Variants in OSBPL8 observed in about 807,000 individuals in gnomAD.
OSBPL8 encodes oxysterol binding protein like 8.
In OSBPL8, 59 loss-of-function variants were observed where a neutral mutation model predicts 125.5. The ratio of observed to expected loss-of-function variants is 0.47; its 90% CI spans 0.38 to 0.58. OSBPL8 has a LOEUF of 0.58. Among genes scored for constraint, OSBPL8 ranks in the 20% least tolerant of loss-of-function variants. OSBPL8 has a pLI of 0.00. For missense variants in OSBPL8, 758 were observed against 1,047.8 expected, an observed-to-expected ratio of 0.72 and a Z score of 3.82; for synonymous variants, 330 against 338.9, an observed-to-expected ratio of 0.97 and a Z score of 0.29.
chr12:76,397,942 A>G (rs751903259), intron 7 of OSBPL8, 45 bp from the exon 8 acceptor site: 3 of 1,558,546 alleles, frequency 1.9e-6, no homozygotes, highest in African/African-American at 1.4e-5. Context: ...TCTGTTCTCC[A>G]AGGTCCAAAC....
intron 4 of OSBPL8, among the ~76,000 whole-genome samples, chr12:76,438,531 G>A (rs1310059233): frequency 6.6e-6 from 1 of 152,078 alleles, no homozygotes; most frequent in Non-Finnish European, 1.5e-5. Context: ...ACAGTTATCA[G>A]TTTGTTTCTT....
intron 15 of OSBPL8, among the ~76,000 whole-genome samples, chr12:76,383,946 C>T (rs1953173621): frequency 6.6e-6 from 1 of 152,064 alleles, no homozygotes; most frequent in Non-Finnish European, 1.5e-5. Flanking sequence ...CTTAGATACA[C>T]TGAAATGAAA....
At chr12:76,418,799 C>G (rs552472218) in intron 4 of OSBPL8, among the ~76,000 whole-genome samples, 25 of 152,234 alleles carry the variant, frequency 1.6e-4, no homozygotes, top group African/African-American at 5.5e-4. Context: ...TGCCTCTGTG[C>G]TCCAGCCTGG....
At chr12:76,504,296 C>T (rs1880201324) in intron 1 of OSBPL8, among the ~76,000 whole-genome samples, 1 of 151,886 alleles carries the variant, frequency 6.6e-6, no homozygotes, top group Admixed American at 6.6e-5. Context: ...CCTGACTAAT[C>T]CAATATATAT....
At chr12:76,428,949 T>C (rs1870487973) in intron 4 of OSBPL8, among the ~76,000 whole-genome samples, 1 of 152,136 alleles carries the variant, frequency 6.6e-6, no homozygotes, top group South Asian at 2.1e-4. Context: ...AACACAATGA[T>C]AAGCCTCTCT....
Position 76,354,838 on chromosome 12 carries a change from G to A in OSBPL8, c.*1051C>T, listed in dbSNP as rs752963878. ...TTCGTAGATACTCAACTTATTACAC[G>A]TTTTACAGAAACCAATTTTAATGCA... On this transcript the variant is annotated 3_prime_UTR_variant, in exon 24 of 24. Coordinates refer to ENST00000261183, the MANE Select transcript of OSBPL8 (RefSeq NM_020841.5). The A allele has an allele frequency of 6.6e-6, 1 of 151,940 alleles. No homozygotes were observed. Among genetic ancestry groups the A allele is most frequent in the Non-Finnish European group, 1.5e-5 (1 of 67,860 alleles). 9.4% of individuals were successfully genotyped at this position (151,940 alleles called of 1,614,324 possible). A position where few individuals can be genotyped will look rare whatever the true frequency, so the allele number is the denominator to read the frequency against.
chr12:76,438,223 T>C (rs1871729567), intron 4 of OSBPL8, among the ~76,000 whole-genome samples: 2 of 151,960 alleles, frequency 1.3e-5, no homozygotes, highest in Non-Finnish European at 2.9e-5. Flanking sequence ...CCTGACCTCA[T>C]GATCCGCCCG....
intron 7 of OSBPL8, among the ~76,000 whole-genome samples, chr12:76,399,298 T>A (rs1330782811): frequency 6.6e-6 from 1 of 152,084 alleles, no homozygotes. Flanking sequence ...AGATCACTCT[T>A]AAACTCAGGA....
chr12:76,528,064 T>G (rs1329453694), intron 1 of OSBPL8, among the ~76,000 whole-genome samples: 3 of 152,214 alleles, frequency 2.0e-5, no homozygotes, highest in African/African-American at 7.2e-5. Flanking sequence ...GGCTCACACC[T>G]GTAATCCCAG....
At chr12:76,491,595 G>A (rs1179820795) in intron 1 of OSBPL8, among the ~76,000 whole-genome samples, 1 of 152,096 alleles carries the variant, frequency 6.6e-6, no homozygotes, top group Non-Finnish European at 1.5e-5. Flanking sequence ...TTGACTACAT[G>A]TATTATAATA....
intron 1 of OSBPL8, chr12:76,537,158 CAA>C (rs1950521730): frequency 6.6e-6 from 1 of 152,198 alleles, no homozygotes. Context: ...TTACATTTTG[CAA>C]AGTCTGATTT....
intron 18 of OSBPL8, 89 bp downstream of exon 18, chr12:76,373,255 C>A: frequency 2.5e-6 from 2 of 811,358 alleles, no homozygotes; most frequent in South Asian, 2.2e-5. Context: ...ATGTTTTCAG[C>A]AACGGAATAA....
chr12:76,538,784 C>T (rs1405414998), intron 1 of OSBPL8, among the ~76,000 whole-genome samples: 2 of 151,670 alleles, frequency 1.3e-5, no homozygotes, highest in East Asian at 1.9e-4. Flanking sequence ...CCCATCTCTA[C>T]TAAAAATACA....
intron 4 of OSBPL8, among the ~76,000 whole-genome samples, chr12:76,430,705 A>G (rs891076587): frequency 2.0e-5 from 3 of 152,226 alleles, no homozygotes; most frequent in African/African-American, 4.8e-5. Flanking sequence ...CTTGCAGGCC[A>G]GAAGACAGTA....
At chr12:76,473,525 C>T (rs965510994) in intron 2 of OSBPL8, among the ~76,000 whole-genome samples, 12 of 152,120 alleles carry the variant, frequency 7.9e-5, no homozygotes, top group Non-Finnish European at 1.6e-4. Flanking sequence ...TACTAATATA[C>T]GCAACTCACC....
intron 1 of OSBPL8, among the ~76,000 whole-genome samples, chr12:76,505,323 C>T (rs557437785): frequency 1.3e-5 from 2 of 152,116 alleles, no homozygotes; most frequent in Non-Finnish European, 2.9e-5. Flanking sequence ...CAATGATCAG[C>T]AGCAATGACT....
At chr12:76,441,519 C>G (rs1872178967) in intron 4 of OSBPL8, among the ~76,000 whole-genome samples, 1 of 152,100 alleles carries the variant, frequency 6.6e-6, no homozygotes, top group Non-Finnish European at 1.5e-5. Flanking sequence ...GTAGTCAACT[C>G]TACAGATAAA....
At chr12:76,475,404 T>TTTGA (rs1360441431) in intron 2 of OSBPL8, among the ~76,000 whole-genome samples, 2 of 152,350 alleles carry the variant, frequency 1.3e-5, no homozygotes, top group East Asian at 3.9e-4. Flanking sequence ...AACAAATAGC[T>TTTGA]TTGACTATTC....
At chr12:76,494,739 C>T (rs1210131936) in intron 1 of OSBPL8, among the ~76,000 whole-genome samples, 1 of 152,052 alleles carries the variant, frequency 6.6e-6, no homozygotes, top group African/African-American at 2.4e-5. Context: ...GAAAGCAGGG[C>T]AGAGGATAAC....
Sources: allele counts gnomAD v4.1 joint callset (sites outside exome capture counted in the v4.1 genomes callset), GRCh38; gene constraint gnomAD v4.1.1; transcripts MANE v1.5; gene names NCBI Gene and HGNC (gene_info 2026-07-23, HGNC 2026-07-21).